CAST: variants seen among roughly 807,000 people sequenced by gnomAD.
The protein encoded by CAST is MIR583 host.
Under a neutral mutation model 119.6 loss-of-function variants are expected in CAST, and 76 were observed. The observed-to-expected ratio is 0.64, with a 90% confidence interval of 0.53 to 0.77. CAST has a LOEUF of 0.77. Among genes scored for constraint, CAST ranks in the 30% least tolerant of loss-of-function variants. The pLI is 0.00. For synonymous variants in CAST, 319 were observed against 331.6 expected (o/e 0.96, Z 0.41); for missense variants, 953 against 946.5 (o/e 1.01, Z -0.09).
At chr5:96,689,585 C>T (rs1752488789) in intron 2 of CAST, among the ~76,000 whole-genome samples, 1 of 152,190 alleles carries the variant, frequency 6.6e-6, no homozygotes, top group Non-Finnish European at 1.5e-5. Context: ...CATGTGTGCA[C>T]ACATGAGCAC....
the CAST span, among the ~76,000 whole-genome samples, chr5:96,211,334 T>C: frequency 6.6e-6 from 1 of 152,020 alleles, no homozygotes; most frequent in Non-Finnish European, 1.5e-5. Context: ...TCTAGTTTTC[T>C]GAGAGCTTTT....
chr5:96,495,129 A>AC, the CAST span, among the ~76,000 whole-genome samples: 82 of 129,108 alleles, frequency 6.4e-4, 1 homozygote, highest in Non-Finnish European at 1.0e-3. Context: ...TCTCAAAAAA[A>AC]AAAAAAAAAA....
chr5:96,362,599 T>G, the CAST span, among the ~76,000 whole-genome samples: 1 of 152,226 alleles, frequency 6.6e-6, no homozygotes, highest in Non-Finnish European at 1.5e-5. Flanking sequence ...GATGAGCATT[T>G]TTTCATGTGT....
chr5:96,238,320 T>TTCTTCTTCTTCTTCC, the CAST span, among the ~76,000 whole-genome samples: 1 of 39,658 alleles, frequency 2.5e-5, no homozygotes, highest in Admixed American at 3.7e-4. Context: ...CTTCTTCTTC[T>TTCTTCTTCTTCTTCC]TCTTCTTCTT....
At chr5:96,164,598 A>G in the CAST span, among the ~76,000 whole-genome samples, 1 of 152,234 alleles carries the variant, frequency 6.6e-6, no homozygotes, top group Non-Finnish European at 1.5e-5. Context: ...ACTCTGTGCC[A>G]GGCAATAGGG....
At chr5:96,131,286 G>A in the CAST span, among the ~76,000 whole-genome samples, 1 of 152,024 alleles carries the variant, frequency 6.6e-6, no homozygotes, top group Non-Finnish European at 1.5e-5. Context: ...TATGTACAGT[G>A]TGATAGTATT....
chr5:96,324,365 A>T, the CAST span, among the ~76,000 whole-genome samples: 1 of 152,234 alleles, frequency 6.6e-6, no homozygotes, highest in Non-Finnish European at 1.5e-5. Context: ...TATTTCCATT[A>T]TGTAGAATGG....
the CAST span, among the ~76,000 whole-genome samples, chr5:96,124,812 T>G: frequency 6.6e-6 from 1 of 152,142 alleles, no homozygotes; most frequent in African/African-American, 2.4e-5. Context: ...AACAATGAAA[T>G]TTTTTTACAG....
chr5:96,513,826 C>T, the CAST span, among the ~76,000 whole-genome samples: 5 of 152,140 alleles, frequency 3.3e-5, no homozygotes, highest in Non-Finnish European at 7.4e-5. Flanking sequence ...TTTATTCTCT[C>T]GCCGTCCTAG....
the CAST span, among the ~76,000 whole-genome samples, chr5:96,073,994 C>T: frequency 6.6e-6 from 1 of 152,196 alleles, no homozygotes; most frequent in African/African-American, 2.4e-5. Context: ...AACTATTCAT[C>T]AAGGTTCCCG....
upstream of CAST, among the ~76,000 whole-genome samples, chr5:96,659,719 G>A (rs151236451): frequency 1.7e-3 from 264 of 152,098 alleles, 1 homozygote; most frequent in African/African-American, 6.2e-3. Context: ...TAGTAGAGAC[G>A]GGGTTTCGTC....
intron 3 of CAST, among the ~76,000 whole-genome samples, chr5:96,710,861 C>T (rs1264895475): frequency 6.7e-6 from 1 of 149,948 alleles, no homozygotes; most frequent in Non-Finnish European, 1.5e-5. Context: ...AATGGGTCCA[C>T]ATCACTTAAA....
intron 3 of CAST, among the ~76,000 whole-genome samples, chr5:96,713,282 C>G (rs1476565842): frequency 6.6e-6 from 1 of 151,972 alleles, no homozygotes; most frequent in Non-Finnish European, 1.5e-5. Flanking sequence ...CAGGCACGTG[C>G]CACCATGCCC....
chr5:96,427,446 C>A, the CAST span, among the ~76,000 whole-genome samples: 7 of 152,148 alleles, frequency 4.6e-5, 1 homozygote, highest in East Asian at 1.3e-3. Context: ...CATTGAAGAT[C>A]ATCTAATTCA....
chr5:96,498,469 T>G, the CAST span, among the ~76,000 whole-genome samples: 1 of 152,190 alleles, frequency 6.6e-6, no homozygotes, highest in Non-Finnish European at 1.5e-5. Context: ...GCCATTTCCT[T>G]TGAAAGGATA....
At chr5:96,525,577 T>C (rs755374826), upstream of CAST, 11 of 152,206 alleles carry the variant, frequency 7.2e-5, no homozygotes, top group Admixed American at 2.0e-4. Flanking sequence ...GCTTGATTAT[T>C]TTCTTTCTCT....
intron 2 of CAST, among the ~76,000 whole-genome samples, chr5:96,678,282 T>C (rs1034148486): frequency 1.7e-4 from 26 of 152,230 alleles, no homozygotes; most frequent in African/African-American, 6.3e-4. Context: ...AACTGGCATG[T>C]ACCCTCCAAT....
At chr5:96,522,786 T>G (rs1745538766), upstream of CAST, among the ~76,000 whole-genome samples, 1 of 152,046 alleles carries the variant, frequency 6.6e-6, no homozygotes, top group African/African-American at 2.4e-5. Context: ...CCGAGAGAAA[T>G]TAGCTCTTAT....
At chr5:96,643,414 T>C (rs983597563) in intron 1 of CAST, among the ~76,000 whole-genome samples, 2 of 152,070 alleles carry the variant, frequency 1.3e-5, no homozygotes, top group Non-Finnish European at 2.9e-5. Flanking sequence ...AGGGGACAGA[T>C]GTGAGGATAG....
Sources: gnomAD v4.1 joint callset for allele counts (sites outside exome capture counted in the v4.1 genomes callset) on GRCh38, gnomAD v4.1.1 for gene constraint, MANE v1.5 for transcripts, NCBI Gene and HGNC (gene_info 2026-07-23, HGNC 2026-07-21) for gene names.